The following FAM47E variants were observed in gnomAD, a reference collection of about 807,000 sequenced individuals.
FAM47E encodes the protein protein FAM47E.
In FAM47E, 32 loss-of-function variants were observed where a neutral mutation model predicts 41.6. The ratio of observed to expected loss-of-function variants is 0.77; its 90% CI spans 0.58 to 1.03. The LOEUF is 1.03. Ranked by LOEUF, FAM47E falls within the 50% of genes least tolerant of loss-of-function variation. The probability of loss-of-function intolerance (pLI) is 0.00; values close to 1 mark genes in which losing one functional copy is unlikely to be tolerated. For missense variants in FAM47E, 424 were observed against 485.4 expected (o/e 0.87, Z 1.19); for synonymous variants, 184 against 188.7 (o/e 0.98, Z 0.20).
At chr4:76,262,998 C>T (rs1734482887) in intron 2 of FAM47E, among the ~76,000 whole-genome samples, 1 of 152,152 alleles carries the variant, frequency 6.6e-6, no homozygotes, top group Non-Finnish European at 1.5e-5. Context: ...AACTCCTGGC[C>T]TCATGCCATC....
At chr4:76,280,554 C>A in intron 7 of FAM47E, 1 of 449,030 alleles carries the variant, frequency 2.2e-6, no homozygotes, top group Admixed American at 3.9e-5. Context: ...TATTTGGTTT[C>A]TGCTACTATC....
chr4:76,253,242 G>C (rs950914499), intron 1 of FAM47E, among the ~76,000 whole-genome samples: 17 of 152,174 alleles, frequency 1.1e-4, no homozygotes, highest in African/African-American at 3.9e-4. Flanking sequence ...TGGTGTGGAT[G>C]TACCACAGTT....
chr4:76,260,573 C>G (rs1242283291), intron 2 of FAM47E, among the ~76,000 whole-genome samples: 1 of 151,934 alleles, frequency 6.6e-6, no homozygotes, highest in African/African-American at 2.4e-5. Flanking sequence ...TCAAGGTGGA[C>G]TAAAGACTTA....
upstream of FAM47E, among the ~76,000 whole-genome samples, chr4:76,250,130 C>T (rs1436015202): frequency 6.6e-6 from 1 of 152,136 alleles, no homozygotes. Context: ...TTTAAGGAAT[C>T]TCCACACTGT....
upstream of FAM47E, among the ~76,000 whole-genome samples, chr4:76,250,231 A>G (rs777067729): frequency 6.6e-5 from 10 of 152,074 alleles, no homozygotes; most frequent in South Asian, 1.5e-3. Context: ...TAATTTTTTA[A>G]ATTTTTTGAT....
At chr4:76,247,910 C>CTTTTTTTTTTT (rs753751295), upstream of FAM47E, among the ~76,000 whole-genome samples, 40 of 86,840 alleles carry the variant, frequency 4.6e-4, 6 homozygotes, top group Admixed American at 7.1e-4. Context: ...CACTCTCTCT[C>CTTTTTTTTTTT]TTTTTTTTTT....
chr4:76,263,280 C>T (rs939009857), intron 2 of FAM47E, among the ~76,000 whole-genome samples: 5 of 152,162 alleles, frequency 3.3e-5, no homozygotes, highest in Admixed American at 6.5e-5. Context: ...TTTATGCTTG[C>T]AAAACTATGT....
Position 76,271,700 on chromosome 4 carries a change from C to T in FAM47E, c.802C>T (p.Leu268Phe), listed in dbSNP as rs1287735325. The T allele has an allele frequency of 6.4e-7, 1 of 1,551,672 alleles. No homozygotes were observed. Among genetic ancestry groups the T allele is most frequent in the Non-Finnish European group, 8.7e-7 (1 of 1,146,992 alleles). The change falls in exon 5 of 8, where the codon CTC becomes TTC. Residue 268 changes from leucine to phenylalanine, a missense_variant. Leu to Phe is a conservative substitution (Grantham distance 22). Transcript: ENST00000424749. ...TCTGGAGCTAAAGCGTAGTGTGGGG[C>T]TCAGTAAACTGCAGGAGACAGAGTT... Reference protein sequence around the residue: ...VPLELKRSVGLSKLQETEFFQ... With the variant: ...VPLELKRSVGFSKLQETEFFQ...
At chr4:76,236,101 T>G (rs1229994152) in intron 2 of FAM47E, among the ~76,000 whole-genome samples, 2 of 152,144 alleles carry the variant, frequency 1.3e-5, no homozygotes, top group Non-Finnish European at 2.9e-5. Flanking sequence ...CTTGGAGAGA[T>G]TAAAGAACAT....
Position 76,269,121 on chromosome 4 carries a change from A to G in FAM47E, c.669+353A>G, listed in dbSNP as rs1734774257. On this transcript the variant is annotated intron_variant, in intron 4 of 7. Transcript: ENST00000424749. ...CTCCTTCAACTCATTTTTCTTAGTTAGATTTACCTAGAAGTACTCTGGCAG... is the reference window on the plus strand; with the variant it reads ...CTCCTTCAACTCATTTTTCTTAGTTGGATTTACCTAGAAGTACTCTGGCAG... 3 of 225,696 alleles carry G rather than the reference A, an allele frequency of 1.3e-5. No homozygotes were observed. In the South Asian group the frequency reaches 2.5e-4, roughly 19 times the overall value. 14.0% of individuals were successfully genotyped at this position (225,696 alleles called of 1,614,324 possible). A position where few individuals can be genotyped will look rare whatever the true frequency, so the allele number is the denominator to read the frequency against.
At chr4:76,256,623 TAA>T in intron 2 of FAM47E, 100 bp downstream of exon 2, 1 of 1,356,334 alleles carries the variant, frequency 7.4e-7, no homozygotes, top group Non-Finnish European at 9.8e-7. Context: ...GACATATTTA[TAA>T]GAGGAGTGAT....
chr4:76,270,633 C>T (rs1734846839), intron 4 of FAM47E, among the ~76,000 whole-genome samples: 1 of 152,078 alleles, frequency 6.6e-6, no homozygotes, highest in African/African-American at 2.4e-5. Context: ...GGAGGCGATT[C>T]GTCTCTCAAG....
At chr4:76,252,888 ACT>A (rs1734031835) in intron 1 of FAM47E, among the ~76,000 whole-genome samples, 2 of 152,202 alleles carry the variant, frequency 1.3e-5, no homozygotes, top group East Asian at 3.8e-4. Flanking sequence ...TGCTAATTGA[ACT>A]AGAGACCTTA....
intron 2 of FAM47E, among the ~76,000 whole-genome samples, chr4:76,228,894 A>T (rs950951868): frequency 6.7e-6 from 1 of 149,868 alleles, no homozygotes; most frequent in Non-Finnish European, 1.5e-5. Flanking sequence ...GGATATCTAG[A>T]TCTCCAGCAA....
chr4:76,260,830 T>C (rs78146498), intron 2 of FAM47E, among the ~76,000 whole-genome samples: 2,116 of 152,280 alleles, frequency 0.014, 45 homozygotes, highest in African/African-American at 0.046. Context: ...AAAGGACTAA[T>C]GTCTAGAATT....
At chr4:76,260,851 G>A (rs2869865) in intron 2 of FAM47E, among the ~76,000 whole-genome samples, 1 of 151,568 alleles carries the variant, frequency 6.6e-6, no homozygotes, top group African/African-American at 2.4e-5. Flanking sequence ...TATAAGGAAC[G>A]TAAACAATTC....
intron 2 of FAM47E, among the ~76,000 whole-genome samples, chr4:76,223,809 C>T (rs996159962): frequency 2.6e-5 from 4 of 152,128 alleles, no homozygotes; most frequent in African/African-American, 7.2e-5. Flanking sequence ...CACTCTCCAC[C>T]TCACTAAAAG....
At chr4:76,248,816 C>CT (rs397824644), upstream of FAM47E, among the ~76,000 whole-genome samples, 1 of 151,742 alleles carries the variant, frequency 6.6e-6, no homozygotes, top group Non-Finnish European at 1.5e-5. Context: ...CTCTCTCTCT[C>CT]AACTCAAAGG....
At chr4:76,261,873 C>T (rs1331407555) in intron 2 of FAM47E, among the ~76,000 whole-genome samples, 1 of 151,856 alleles carries the variant, frequency 6.6e-6, no homozygotes, top group Non-Finnish European at 1.5e-5. Flanking sequence ...AAAAAATAAA[C>T]ATGAAAACAA....
Sources: gnomAD v4.1 joint callset for allele counts (sites outside exome capture counted in the v4.1 genomes callset) on GRCh38, gnomAD v4.1.1 for gene constraint, MANE v1.5 for transcripts, NCBI Gene and HGNC (gene_info 2026-07-23, HGNC 2026-07-21) for gene names.